The following CCAR1 variants were observed in gnomAD, a reference collection of about 807,000 sequenced individuals.
CCAR1 encodes cell division cycle and apoptosis regulator 1.
In CCAR1, 78 loss-of-function variants were observed where a neutral mutation model predicts 163.8. The ratio of observed to expected loss-of-function variants is 0.48; its 90% CI spans 0.40 to 0.57. CCAR1 has a LOEUF of 0.57. Ranked by LOEUF, CCAR1 falls within the 20% of genes least tolerant of loss-of-function variation. The pLI, the probability that CCAR1 is intolerant of heterozygous loss-of-function variation, is 0.00. For synonymous variants in CCAR1, 443 were observed against 460.7 expected (o/e 0.96, Z 0.49); for missense variants, 1,019 against 1,365.2 (o/e 0.75, Z 4.00).
rs9804396 is a variant in CCAR1, at chr10:68,744,234, A to G, written c.518+1665A>G. ...TTCCTGAAGAAAGGCGGTTCTAACA[A>G]TATTTCTGGGTAAACATAACTGTGA... On this transcript the variant is annotated intron_variant, in intron 6 of 24. Transcript: ENST00000265872. Among the ~76,000 whole-genome samples, 624 of 152,318 alleles carry G rather than the reference A, an allele frequency of 4.1e-3. 9 individuals carry two copies. Among genetic ancestry groups the G allele is most frequent in the African/African-American group, 0.014 (588 of 41,576 alleles).
chr10:68,775,093 G>A, intron 19 of CCAR1: 1 of 214,816 alleles, frequency 4.7e-6, no homozygotes, highest in Non-Finnish European at 9.5e-6. Flanking sequence ...GAACACCTGT[G>A]TATCCATCAA....
At chr10:68,765,669 A>G (rs1271719700) in intron 16 of CCAR1, among the ~76,000 whole-genome samples, 1 of 152,160 alleles carries the variant, frequency 6.6e-6, no homozygotes, top group Admixed American at 6.6e-5. Context: ...TATGCTGGGA[A>G]ATCCAAAAGA....
chr10:68,769,401 G>A (rs1192992926), intron 17 of CCAR1, among the ~76,000 whole-genome samples: 3 of 152,066 alleles, frequency 2.0e-5, no homozygotes, highest in Non-Finnish European at 2.9e-5. Flanking sequence ...CAGGCGGATC[G>A]CCTGAGTTCA....
At chr10:68,721,786 C>G in intron 1 of CCAR1, 1 of 291,848 alleles carries the variant, frequency 3.4e-6, no homozygotes, top group Non-Finnish European at 6.9e-6. Flanking sequence ...CGGCCGAGCT[C>G]TGGCCCTTGA....
chr10:68,776,042 G>C (rs2056663246), intron 19 of CCAR1, among the ~76,000 whole-genome samples: 1 of 150,628 alleles, frequency 6.6e-6, no homozygotes, highest in African/African-American at 2.4e-5. Context: ...TGTTGGCCAG[G>C]ATGGTCTTGA....
chr10:68,746,778 A>G (rs1257434563), intron 6 of CCAR1, among the ~76,000 whole-genome samples: 3 of 151,762 alleles, frequency 2.0e-5, no homozygotes, highest in Non-Finnish European at 2.9e-5. Flanking sequence ...GGGTTTCACC[A>G]TGTTGACCAG....
chr10:68,785,706 A>G (rs1167267359), intron 19 of CCAR1, among the ~76,000 whole-genome samples: 2 of 152,150 alleles, frequency 1.3e-5, no homozygotes, highest in Non-Finnish European at 2.9e-5. Context: ...ACTATAGAAC[A>G]TTTTTATCAC....
At chr10:68,789,611 C>T in intron 23 of CCAR1, 99 bp from the exon 24 acceptor site, 1 of 696,828 alleles carries the variant, frequency 1.4e-6, no homozygotes, top group Non-Finnish European at 2.4e-6. Flanking sequence ...TTATGGAATT[C>T]TATCAGCTTT....
rs748760648 is a variant in CCAR1, at chr10:68,749,292, T to TAC, written c.956+27_956+28insAC. On this transcript the variant is annotated intron_variant, in intron 9 of 24. Transcript: ENST00000265872. ...TATATTTTCTAAAGTGTACTGTGGA[T>TAC]GGTGGCAATGGTTGTACAACAATGG... 14 of 1,577,656 alleles carry TAC rather than the reference T, an allele frequency of 8.9e-6. No individual in the cohort carries two copies. The East Asian group carries it at 3.1e-4, about 35-fold the overall frequency.
At position 68,765,813 on chromosome 10, in the gene CCAR1, A is replaced by G. The variant is rs1199923247; in HGVS notation, c.2107-75A>G. ...CTTTTATTTATGAGATATATATTCA[A>G]TATATATTCATCTTGCACATGTATA... On this transcript the variant is annotated intron_variant, in intron 16 of 24. Transcript: ENST00000265872. The G allele has an allele frequency of 5.3e-6, 5 of 945,366 alleles. No individual in the cohort carries two copies. In the East Asian group the frequency reaches 7.8e-5, roughly 15 times the overall value. 58.6% of individuals were successfully genotyped at this position (945,366 alleles called of 1,614,324 possible).
chr10:68,781,129 G>A (rs1377895619), intron 19 of CCAR1, among the ~76,000 whole-genome samples: 4 of 152,090 alleles, frequency 2.6e-5, no homozygotes, highest in Non-Finnish European at 5.9e-5. Flanking sequence ...CTACTCGGGA[G>A]GCTGGGGGCA....
chr10:68,773,302 C>T (rs1344209501), intron 19 of CCAR1, among the ~76,000 whole-genome samples: 3 of 151,990 alleles, frequency 2.0e-5, no homozygotes, highest in Non-Finnish European at 4.4e-5. Flanking sequence ...TCCTATGTCT[C>T]ATATATAATT....
At chr10:68,761,219 C>G (rs2056465928) in intron 16 of CCAR1, 27 bp downstream of exon 16, 1 of 1,386,832 alleles carries the variant, frequency 7.2e-7, no homozygotes, top group African/African-American at 1.5e-5. Context: ...TTATTATACT[C>G]TATGGTATTA....
At chr10:68,734,843 T>A (rs1248531675) in intron 2 of CCAR1, among the ~76,000 whole-genome samples, 1 of 152,154 alleles carries the variant, frequency 6.6e-6, no homozygotes, top group African/African-American at 2.4e-5. Context: ...GTTTCTGCAT[T>A]TAATGGAATT....
intron 15 of CCAR1, among the ~76,000 whole-genome samples, chr10:68,757,764 A>G (rs866281950): frequency 1.1e-4 from 17 of 151,646 alleles, no homozygotes; most frequent in Middle Eastern, 3.4e-3. Context: ...ATAAATCAGT[A>G]CAGCCAATAT....
intron 6 of CCAR1, among the ~76,000 whole-genome samples, chr10:68,745,984 T>A (rs950741333): frequency 2.0e-5 from 3 of 152,050 alleles, no homozygotes; most frequent in Admixed American, 6.6e-5. Context: ...ATTTATTTAT[T>A]TATTTTGAGA....
Position 68,746,820 on chromosome 10 carries a change from C to T in CCAR1, c.519-341C>T, listed in dbSNP as rs542584528. ...CTTGAACTCCTGACCTCAAGTGATTCGCCTGTCTCGGCCTCCCAAAGTGCT... is the reference window on the plus strand; with the variant it reads ...CTTGAACTCCTGACCTCAAGTGATTTGCCTGTCTCGGCCTCCCAAAGTGCT... On this transcript the variant is annotated intron_variant, in intron 6 of 24. Transcript: ENST00000265872. Among the ~76,000 whole-genome samples the T allele has an allele frequency of 7.9e-5, 12 of 152,186 alleles. No individual in the cohort carries two copies. In the South Asian group the frequency reaches 1.5e-3, roughly 18 times the overall value.
chr10:68,768,617 TAAAA>T (rs747764016), intron 17 of CCAR1, among the ~76,000 whole-genome samples: 1 of 151,814 alleles, frequency 6.6e-6, no homozygotes, highest in Non-Finnish European at 1.5e-5. Context: ...TCTCAAAAAA[TAAAA>T]AAAGTAAGCA....
intron 19 of CCAR1, among the ~76,000 whole-genome samples, chr10:68,778,558 C>A (rs573705324): frequency 5.0e-4 from 75 of 150,628 alleles, no homozygotes; most frequent in African/African-American, 1.7e-3. Context: ...GAATTTATGA[C>A]CTATTTTATT....
Sources: allele counts gnomAD v4.1 joint callset (sites outside exome capture counted in the v4.1 genomes callset), GRCh38; gene constraint gnomAD v4.1.1; transcripts MANE v1.5; gene names NCBI Gene and HGNC (gene_info 2026-07-23, HGNC 2026-07-21).